Variants in GPC6 observed in about 807,000 individuals in gnomAD.
The protein encoded by GPC6 is glypican 6.
In GPC6, 14 loss-of-function variants were observed where a neutral mutation model predicts 55.2. The observed-to-expected ratio is 0.25, with a 90% CI of 0.17 to 0.40. The LOEUF (loss-of-function observed/expected upper bound fraction) is 0.40. Among genes scored for constraint, GPC6 ranks in the 10% least tolerant of loss-of-function variants. The pLI is 1.00. For missense variants in GPC6, 641 were observed against 708.5 expected (o/e 0.90, Z 1.08); for synonymous variants, 278 against 259.6 (o/e 1.07, Z -0.68).
chr13:94,214,599 G>A (rs142778490), intron 4 of GPC6, among the ~76,000 whole-genome samples: 1,819 of 152,038 alleles, frequency 0.012, 18 homozygotes, highest in Non-Finnish European at 0.019. Flanking sequence ...GTTCCTTTTG[G>A]GTTATTTTCA....
chr13:93,765,659 C>T (rs1885110227), intron 2 of GPC6, among the ~76,000 whole-genome samples: 1 of 152,168 alleles, frequency 6.6e-6, no homozygotes, highest in South Asian at 2.1e-4. Flanking sequence ...ACTTAACAAA[C>T]ATTCACAGTG....
intron 4 of GPC6, among the ~76,000 whole-genome samples, chr13:94,176,585 G>A (rs987642272): frequency 3.9e-5 from 6 of 152,114 alleles, no homozygotes; most frequent in African/African-American, 7.2e-5. Flanking sequence ...CATGAACCTC[G>A]TTTTTAAATG....
At chr13:93,519,786 GT>G (rs2139397690) in intron 1 of GPC6, among the ~76,000 whole-genome samples, 1 of 151,978 alleles carries the variant, frequency 6.6e-6, no homozygotes, top group Admixed American at 6.6e-5. Flanking sequence ...AAATCTAAAA[GT>G]TATATTTCTA....
At chr13:93,351,860 AC>A (rs1326500778) in intron 1 of GPC6, among the ~76,000 whole-genome samples, 1 of 152,110 alleles carries the variant, frequency 6.6e-6, no homozygotes, top group Non-Finnish European at 1.5e-5. Context: ...GGATTTGAAA[AC>A]CATGACAATT....
At chr13:93,747,503 C>T (rs975427138) in intron 2 of GPC6, among the ~76,000 whole-genome samples, 1 of 152,160 alleles carries the variant, frequency 6.6e-6, no homozygotes, top group South Asian at 2.1e-4. Flanking sequence ...CTGTCGCTGT[C>T]GCATTCCCAT....
At chr13:94,362,383 G>A (rs941324676) in intron 6 of GPC6, among the ~76,000 whole-genome samples, 10 of 152,122 alleles carry the variant, frequency 6.6e-5, no homozygotes, top group African/African-American at 2.4e-4. Context: ...TAGAACTATG[G>A]CCTTAACATT....
chr13:93,676,127 ATATATATATAT>A (rs1164306256), intron 2 of GPC6, among the ~76,000 whole-genome samples: 16 of 10,668 alleles, frequency 1.5e-3, no homozygotes, highest in South Asian at 7.5e-3. Flanking sequence ...AAAAAAAAAA[ATATATATATAT>A]ATATATATAT....
At chr13:93,598,643 T>G (rs572636739) in intron 2 of GPC6, among the ~76,000 whole-genome samples, 1 of 152,294 alleles carries the variant, frequency 6.6e-6, no homozygotes, top group South Asian at 2.1e-4. Context: ...TGCAGAAAAG[T>G]GAGGCTTAAA....
At position 93,513,876 on chromosome 13, in the gene GPC6, C is replaced by CTTTTT. The variant is rs56333946; in HGVS notation, c.161-31373_161-31369dup. Among the ~76,000 whole-genome samples, 41 of 110,204 alleles carry CTTTTT rather than the reference C, an allele frequency of 3.7e-4. 1 individual carries two copies. Among genetic ancestry groups the CTTTTT allele is most frequent in the Non-Finnish European group, 4.7e-4 (27 of 57,938 alleles). The allele number at this position is 110,204 out of a possible 152,430, so 72.3% of individuals were successfully genotyped here. A position where few individuals can be genotyped will look rare whatever the true frequency, so the allele number is the denominator to read the frequency against. On this transcript the variant is annotated intron_variant, in intron 1 of 8. Coordinates refer to ENST00000377047, the MANE Select transcript of GPC6 (RefSeq NM_005708.5). ...GAACGAATCCTTTGCTGAATGATGG[C>CTTTTT]TTTTTTTTTTTTTTTTTTCGGTGTT...
intron 2 of GPC6, among the ~76,000 whole-genome samples, chr13:93,694,983 T>A (rs773839206): frequency 3.9e-5 from 6 of 152,128 alleles, no homozygotes; most frequent in Non-Finnish European, 5.9e-5. Context: ...AATCATAAAC[T>A]TCCTCTTTAG....
chr13:94,072,322 G>A (rs1328412633), intron 4 of GPC6, among the ~76,000 whole-genome samples: 1 of 151,918 alleles, frequency 6.6e-6, no homozygotes, highest in East Asian at 1.9e-4. Flanking sequence ...CTACTCTTTG[G>A]GTGGCATGAT....
chr13:93,511,983 G>C (rs1306690316), intron 1 of GPC6, among the ~76,000 whole-genome samples: 19 of 151,832 alleles, frequency 1.3e-4, no homozygotes, highest in Non-Finnish European at 2.4e-4. Context: ...TTGTTGACTA[G>C]ATCATTAGTG....
chr13:93,455,842 CCTCT>C (rs753636553), intron 1 of GPC6, among the ~76,000 whole-genome samples: 2 of 152,094 alleles, frequency 1.3e-5, no homozygotes, highest in Non-Finnish European at 2.9e-5. Flanking sequence ...AAGACACAAC[CCTCT>C]CAAATATCAA....
chr13:93,760,672 C>G (rs570129109), intron 2 of GPC6, among the ~76,000 whole-genome samples: 30 of 152,322 alleles, frequency 2.0e-4, no homozygotes, highest in Non-Finnish European at 3.1e-4. Flanking sequence ...ATAAAATATG[C>G]TGTATATATA....
intron 3 of GPC6, among the ~76,000 whole-genome samples, chr13:93,895,142 AT>A (rs1484551558): frequency 6.1e-5 from 9 of 147,026 alleles, no homozygotes; most frequent in Middle Eastern, 3.7e-3. Context: ...CTATATATAT[AT>A]TTTCACCTCT....
intron 1 of GPC6, among the ~76,000 whole-genome samples, chr13:93,383,100 C>G (rs1028531718): frequency 9.2e-5 from 14 of 152,194 alleles, no homozygotes; most frequent in African/African-American, 3.4e-4. Context: ...GATATCTGCC[C>G]TAAATGTTTG....
intron 1 of GPC6, among the ~76,000 whole-genome samples, chr13:93,324,008 C>G (rs527505418): frequency 5.8e-4 from 88 of 152,172 alleles, no homozygotes; most frequent in African/African-American, 2.0e-3. Flanking sequence ...TTGTTACAGC[C>G]CTGTTCACAA....
At chr13:93,618,873 T>A (rs1412077062) in intron 2 of GPC6, among the ~76,000 whole-genome samples, 1 of 152,150 alleles carries the variant, frequency 6.6e-6, no homozygotes, top group Non-Finnish European at 1.5e-5. Context: ...TCACCTCAGG[T>A]GATTTTGTCT....
chr13:93,837,954 G>A (rs1887802005), intron 3 of GPC6, among the ~76,000 whole-genome samples: 1 of 152,188 alleles, frequency 6.6e-6, no homozygotes, highest in Non-Finnish European at 1.5e-5. Context: ...GAGCCATAAA[G>A]TACAAAGCAA....
Sources: gnomAD v4.1 joint callset for allele counts (sites outside exome capture counted in the v4.1 genomes callset) on GRCh38, gnomAD v4.1.1 for gene constraint, MANE v1.5 for transcripts, NCBI Gene and HGNC (gene_info 2026-07-23, HGNC 2026-07-21) for gene names.